Variants in FAM149B1 observed in about 807,000 individuals in gnomAD.
The protein encoded by FAM149B1 is family with sequence similarity 149 member B1.
A neutral mutation model predicts 75.3 loss-of-function variants in FAM149B1; 56 were observed. That is an observed-to-expected ratio of 0.74 (90% confidence interval 0.60 to 0.93). The LOEUF (loss-of-function observed/expected upper bound fraction) is 0.93, where lower values mean the gene tolerates loss of function less well. FAM149B1 is among the 40% of genes least tolerant of loss of function. The pLI is 0.00. For synonymous variants in FAM149B1, 259 were observed against 256.1 expected (o/e 1.01, Z -0.11); for missense variants, 639 against 708.4 (o/e 0.90, Z 1.11).
intron 3 of FAM149B1, among the ~76,000 whole-genome samples, chr10:73,189,958 A>AC (rs2042639635): frequency 6.6e-6 from 1 of 152,244 alleles, no homozygotes; most frequent in Non-Finnish European, 1.5e-5. Flanking sequence ...CAAAGCAGGT[A>AC]AAGATATTAA....
intron 5 of FAM149B1, among the ~76,000 whole-genome samples, chr10:73,195,384 A>T (rs1018158201): frequency 2.6e-5 from 4 of 152,186 alleles, no homozygotes; most frequent in Non-Finnish European, 5.9e-5. Flanking sequence ...TTTAAATTTA[A>T]ATCTCATGTA....
rs756665429 is a variant in FAM149B1 at position 73,233,103 on chromosome 10, C to T, written c.1292C>T (p.Thr431Met). ...CCACGAACTCTTCATCCGATCAGCA[C>T]GAGCCATTCATGTGCTGAAACACCA... ...PPPRTLHPIS[T>M]SHSCAETPRS... Residue 431 changes from threonine to methionine, a missense_variant, in exon 10 of 14, where the codon ACG (threonine) becomes ATG (methionine). Coordinates refer to ENST00000242505, the MANE Select transcript of FAM149B1 (RefSeq NM_173348.2). 9.0e-6 allele frequency: 14 copies of T among 1,551,570 alleles called. No homozygotes were observed. Among genetic ancestry groups the T allele is most frequent in the South Asian group, 4.8e-5 (4 of 84,064 alleles).
intron 12 of FAM149B1, 28 bp from the exon 13 acceptor site, chr10:73,239,284 A>G (rs2133417213): frequency 6.5e-7 from 1 of 1,535,794 alleles, no homozygotes; most frequent in East Asian, 2.4e-5. Context: ...GATGCATCAT[A>G]AGAAGTGTCT....
At chr10:73,193,347 A>G in intron 4 of FAM149B1, 130 bp from the exon 5 acceptor site, 4 of 747,300 alleles carry the variant, frequency 5.4e-6, no homozygotes, top group African/African-American at 1.8e-5. Context: ...ACATTTTCTC[A>G]TTCTTAATCA....
At chr10:73,182,632 A>G (rs1485282090) in intron 3 of FAM149B1, among the ~76,000 whole-genome samples, 2 of 152,218 alleles carry the variant, frequency 1.3e-5, no homozygotes, top group Non-Finnish European at 2.9e-5. Flanking sequence ...TTCAGACCAC[A>G]TGAAAAGGCT....
chr10:73,194,905 A>G (rs1248727309), intron 5 of FAM149B1, among the ~76,000 whole-genome samples: 1 of 151,740 alleles, frequency 6.6e-6, no homozygotes, highest in Non-Finnish European at 1.5e-5. Flanking sequence ...GCTGGTCTTG[A>G]ACTCCTGACC....
At position 73,234,934 on chromosome 10, in the gene FAM149B1, A is replaced by G. The variant is rs907409958; in HGVS notation, c.1470A>G (p.Arg490=). Residue 490 remains arginine (R), a synonymous_variant, in exon 11 of 14, where the codon AGA becomes AGG. Coordinates refer to ENST00000242505, the MANE Select transcript of FAM149B1 (RefSeq NM_173348.2). ...ATGTGAGCACTGTGGGGCCACAAAG[A>G]CAGATGGTATGTTTCTTTCATATTG... ...VEHVSTVGPQ[R]QMKPHGDSSR... The G allele has an allele frequency of 4.5e-6, 7 of 1,551,874 alleles. No homozygotes were observed. In the Admixed American group the frequency reaches 1.4e-4, roughly 30 times the overall value.
In FAM149B1 at chr10:73,230,541, T is replaced by C; in HGVS notation, c.1127+16T>C. 1 of 1,318,638 alleles carries C rather than the reference T, an allele frequency of 7.6e-7. No individual in the cohort carries two copies. Among genetic ancestry groups the C allele is most frequent in the South Asian group, 1.3e-5 (1 of 79,352 alleles). 81.7% of individuals were successfully genotyped at this position (1,318,638 alleles called of 1,614,324 possible). A position where few individuals can be genotyped will look rare whatever the true frequency, so the allele number is the denominator to read the frequency against. On this transcript the variant is annotated intron_variant, in intron 9 of 13. Coordinates refer to ENST00000242505, the MANE Select transcript of FAM149B1 (RefSeq NM_173348.2). ...ACAAGCTCCTGTAAGAAGTTCAACATTTTCAGACTATACAGTGTAAAAGGG... is the reference window on the plus strand; with the variant it reads ...ACAAGCTCCTGTAAGAAGTTCAACACTTTCAGACTATACAGTGTAAAAGGG...
Position 73,240,894 on chromosome 10 carries a change from G to A in FAM149B1, c.1676-52G>A, listed in dbSNP as rs562365791. 115 of 1,073,398 alleles carry A rather than the reference G, an allele frequency of 1.1e-4. No individual in the cohort carries two copies. The South Asian group carries it at 1.5e-3, about 14-fold the overall frequency. 66.5% of individuals were successfully genotyped at this position (1,073,398 alleles called of 1,614,324 possible). On this transcript the variant is annotated intron_variant, in intron 13 of 13. Transcript: ENST00000242505. ...AAAGCCCTTAGCTATAAACTTGAGA[G>A]TGATTATCAAACCTAGACTGTCTAC...
chr10:73,235,432 T>A lies in FAM149B1; in HGVS notation c.1602+114T>A, dbSNP rs369049865. On this transcript the variant is annotated intron_variant, in intron 12 of 13. Transcript: ENST00000242505. ...CTAGAGGCTTAACCCAGAATAAAAG[T>A]TGAGTTTCCAACAATAAAAAGTGTT... 5 of 1,472,382 alleles carry A rather than the reference T, an allele frequency of 3.4e-6. No individual in the cohort carries two copies. The South Asian group carries it at 4.2e-5, about 12-fold the overall frequency. The allele number at this position is 1,472,382 out of a possible 1,614,324, so 91.2% of individuals were successfully genotyped here.
Position 73,174,807 on chromosome 10 carries a change from G to T in FAM149B1, c.152+16G>T, listed in dbSNP as rs753529814. 2.0e-6 allele frequency: 3 copies of T among 1,505,370 alleles called. No homozygotes were observed. The East Asian group carries it at 7.4e-5, about 37-fold the overall frequency. 93.3% of individuals were successfully genotyped at this position (1,505,370 alleles called of 1,614,324 possible). A position where few individuals can be genotyped will look rare whatever the true frequency, so the allele number is the denominator to read the frequency against. On this transcript the variant is annotated intron_variant, in intron 2 of 13. Coordinates refer to ENST00000242505, the MANE Select transcript of FAM149B1 (RefSeq NM_173348.2). ...GTTCCCAAAGGTAATAACACAAAGTGTACTTGTTTACTTATTGCACTTGCT... is the reference window on the plus strand; with the variant it reads ...GTTCCCAAAGGTAATAACACAAAGTTTACTTGTTTACTTATTGCACTTGCT...
Position 73,240,528 on chromosome 10 carries a change from T to C in FAM149B1, c.1676-418T>C, listed in dbSNP as rs138598914. Among the ~76,000 whole-genome samples, 1,238 of 152,102 alleles carry C rather than the reference T, an allele frequency of 8.1e-3. 17 individuals are homozygous for C. The highest frequency in any genetic ancestry group is 0.015 in the Admixed American group (225 of 15,282). Reference sequence around the variant, plus strand: ...CATATTGAGACCATCCTGGCTAACATGGTGAAACCCCATCTCTACTAAAAA... The same window carrying C: ...CATATTGAGACCATCCTGGCTAACACGGTGAAACCCCATCTCTACTAAAAA... On this transcript the variant is annotated intron_variant, in intron 13 of 13. Coordinates refer to ENST00000242505, the MANE Select transcript of FAM149B1 (RefSeq NM_173348.2).
At chr10:73,175,236 G>A (rs1430681031) in intron 2 of FAM149B1, among the ~76,000 whole-genome samples, 1 of 152,124 alleles carries the variant, frequency 6.6e-6, no homozygotes, top group Non-Finnish European at 1.5e-5. Context: ...CAAGTGTGGG[G>A]ATGTGCACTT....
intron 3 of FAM149B1, 22 bp downstream of exon 3, chr10:73,177,997 T>G: frequency 6.5e-7 from 1 of 1,532,246 alleles, no homozygotes. Context: ...GTTATCAGTC[T>G]GATAGAGTGC....
In FAM149B1 at chr10:73,171,625, T is replaced by C. The variant is rs550284323; in HGVS notation, c.48-3062T>C. ...GCTTCATCTATCTTCCTTATCCTTT[T>C]CTTTCTTTTTTTTTTTTTTTTGAGA... On this transcript the variant is annotated intron_variant, in intron 1 of 13. Coordinates refer to ENST00000242505, the MANE Select transcript of FAM149B1 (RefSeq NM_173348.2). Among the ~76,000 whole-genome samples the C allele has an allele frequency of 7.4e-5, 11 of 148,464 alleles. No individual in the cohort carries two copies. In the South Asian group the frequency reaches 2.4e-3, roughly 32 times the overall value.
At chr10:73,181,479 C>T (rs939423847) in intron 3 of FAM149B1, among the ~76,000 whole-genome samples, 1 of 152,154 alleles carries the variant, frequency 6.6e-6, no homozygotes, top group Admixed American at 6.5e-5. Flanking sequence ...AGAAATTTTT[C>T]AGTCTCCTTA....
At chr10:73,186,348 T>C (rs1313261696) in intron 3 of FAM149B1, among the ~76,000 whole-genome samples, 2 of 152,138 alleles carry the variant, frequency 1.3e-5, no homozygotes, top group Non-Finnish European at 2.9e-5. Flanking sequence ...CCTGAAAGGT[T>C]GGGCATCTAC....
intron 3 of FAM149B1, among the ~76,000 whole-genome samples, chr10:73,180,006 T>G (rs931940842): frequency 6.6e-6 from 1 of 152,220 alleles, no homozygotes; most frequent in Non-Finnish European, 1.5e-5. Flanking sequence ...TTCCCTGTAC[T>G]TGGCCTTGGG....
At chr10:73,194,782 CAAGCAAT>C (rs2042763568) in intron 5 of FAM149B1, among the ~76,000 whole-genome samples, 1 of 151,896 alleles carries the variant, frequency 6.6e-6, no homozygotes, top group Non-Finnish European at 1.5e-5. Context: ...CTCCCAGGTT[CAAGCAAT>C]TCTCCTGCCC....
Sources: gnomAD v4.1 joint callset for allele counts (sites outside exome capture counted in the v4.1 genomes callset) on GRCh38, gnomAD v4.1.1 for gene constraint, MANE v1.5 for transcripts, NCBI Gene and HGNC (gene_info 2026-07-23, HGNC 2026-07-21) for gene names.